The following ACTN4 variants were observed in gnomAD, a reference collection of about 807,000 sequenced individuals.
ACTN4 encodes the protein alpha-actinin-4.
ACTN4 carries 18 observed loss-of-function variants against 114.2 expected under a neutral mutation model. The observed-to-expected ratio is 0.16, with a 90% CI of 0.11 to 0.23. The LOEUF is 0.23. Among genes scored for constraint, ACTN4 ranks in the 10% least tolerant of loss-of-function variants. ACTN4 has a pLI of 1.00. For missense variants in ACTN4, 722 were observed against 1,262.9 expected (o/e 0.57, Z 6.49); for synonymous variants, 515 against 506.3 (o/e 1.02, Z -0.23).
At chr19:38,695,795 T>G (rs1164581564) in intron 1 of ACTN4, among the ~76,000 whole-genome samples, 2 of 152,114 alleles carry the variant, frequency 1.3e-5, no homozygotes, top group Non-Finnish European at 2.9e-5. Context: ...AATGACTTCT[T>G]CAAGGACACC....
At chr19:38,712,875 G>A (rs1463406058) in intron 8 of ACTN4, among the ~76,000 whole-genome samples, 2 of 152,132 alleles carry the variant, frequency 1.3e-5, no homozygotes, top group African/African-American at 2.4e-5. Flanking sequence ...AGGGATTTTG[G>A]GGGAGCAGGG....
chr19:38,672,197 C>CAGACGTAT (rs1967149824), intron 1 of ACTN4, among the ~76,000 whole-genome samples: 1 of 150,986 alleles, frequency 6.6e-6, no homozygotes, highest in African/African-American at 2.4e-5. Context: ...GCTTTCCTGC[C>CAGACGTAT]AGACGTATGG....
chr19:38,724,074 T>G lies in ACTN4; in HGVS notation c.1689T>G (p.Ile563Met). The change falls in exon 14 of 21, where the codon ATT becomes ATG. Residue 563 changes from isoleucine to methionine, a missense_variant. Ile to Met is a conservative substitution (Grantham distance 10). Coordinates refer to ENST00000252699, the MANE Select transcript of ACTN4 (RefSeq NM_004924.6). The surrounding 1 kb of genome is among the most constrained non-coding windows in gnomAD (Gnocchi z 7.0). The stretch of plus-strand genomic sequence containing the variant: ...TCATCGTCCATACCATCGAGGAGAT[T>G]GAGGTTCGCACCCCCCGGCCCCCCA... Reference protein sequence around the residue: ...DMFIVHTIEEIEGLISAHDQF... With the variant: ...DMFIVHTIEEMEGLISAHDQF... 6.2e-7 allele frequency: 1 copy of G among 1,613,640 alleles called. No individual in the cohort carries two copies. The highest frequency in any genetic ancestry group is 8.5e-7 in the Non-Finnish European group (1 of 1,179,980).
rs559171712 is a variant in ACTN4, at chr19:38,714,359, C to T, written c.820-110C>T. On this transcript the variant is annotated intron_variant, in intron 8 of 20. Coordinates refer to ENST00000252699, the MANE Select transcript of ACTN4 (RefSeq NM_004924.6). ...CTGGAGCTGTGCTTCCTCTCCTTCCCCTCTGTGAGGAGTTCCGTGGGCCAT... is the reference window on the plus strand; with the variant it reads ...CTGGAGCTGTGCTTCCTCTCCTTCCTCTCTGTGAGGAGTTCCGTGGGCCAT... The T allele has an allele frequency of 1.3e-4, 124 of 968,094 alleles. 1 individual carries two copies. The East Asian group carries it at 3.1e-3, about 24-fold the overall frequency. The allele number at this position is 968,094 out of a possible 1,614,324, so 60.0% of individuals were successfully genotyped here. A position where few individuals can be genotyped will look rare whatever the true frequency, so the allele number is the denominator to read the frequency against.
At chr19:38,700,464 T>C (rs1968234102) in intron 1 of ACTN4, 136 bp from the exon 2 acceptor site, 2 of 745,542 alleles carry the variant, frequency 2.7e-6, no homozygotes, top group East Asian at 2.6e-5. Context: ...GTATCGGCCA[T>C]GTACGGTGTG....
intron 1 of ACTN4, among the ~76,000 whole-genome samples, chr19:38,696,260 T>G (rs769391411): frequency 1.2e-4 from 19 of 152,144 alleles, no homozygotes; most frequent in Non-Finnish European, 2.6e-4. Flanking sequence ...CTGTTATGGA[T>G]TCAGCACAGG....
intron 1 of ACTN4, among the ~76,000 whole-genome samples, chr19:38,662,835 AAAAGGTCCTTTG>A (rs915893816): frequency 6.6e-6 from 1 of 151,920 alleles, no homozygotes; most frequent in African/African-American, 2.4e-5. Context: ...ATAAAGACAT[AAAAGGTCCTTTG>A]AAAGACTCCA....
chr19:38,691,865 C>T (rs1305216438), intron 1 of ACTN4, among the ~76,000 whole-genome samples: 6 of 152,074 alleles, frequency 3.9e-5, no homozygotes, highest in African/African-American at 1.2e-4. Context: ...ATCATGCCAC[C>T]GCACTCCAAC....
chr19:38,678,576 A>G (rs1967450667), intron 1 of ACTN4, among the ~76,000 whole-genome samples: 1 of 152,202 alleles, frequency 6.6e-6, no homozygotes. Context: ...GAAAATCTAG[A>G]GAAAGATAGA....
intron 1 of ACTN4, among the ~76,000 whole-genome samples, chr19:38,680,122 C>G (rs931711226): frequency 6.6e-6 from 1 of 152,028 alleles, no homozygotes; most frequent in Non-Finnish European, 1.5e-5. Flanking sequence ...ATCTCTCTCC[C>G]CTATCAGACG....
Position 38,725,933 on chromosome 19 carries a change from C to G in ACTN4, c.2190+30C>G, listed in dbSNP as rs552926680. 8.7e-6 allele frequency: 14 copies of G among 1,612,626 alleles called. No homozygotes were observed. The South Asian group carries it at 1.5e-4, about 18-fold the overall frequency. ...GCGGCTGCCCCGCCCGCTGGCCTTT[C>G]CACCAGCATGGCCGGCTTCCTCACT... On this transcript the variant is annotated intron_variant, in intron 17 of 20. Coordinates refer to ENST00000252699, the MANE Select transcript of ACTN4 (RefSeq NM_004924.6).
chr19:38,673,436 ATT>A (rs1245472121), intron 1 of ACTN4, among the ~76,000 whole-genome samples: 2,393 of 82,680 alleles, frequency 0.029, 112 homozygotes, highest in African/African-American at 0.082. Flanking sequence ...TTGTGGTTTT[ATT>A]TTTTATATAT....
At chr19:38,681,229 G>A (rs561106220) in intron 1 of ACTN4, among the ~76,000 whole-genome samples, 1 of 151,112 alleles carries the variant, frequency 6.6e-6, no homozygotes, top group East Asian at 2.0e-4. Context: ...TAACCACTCT[G>A]TGAAGATGGT....
At chr19:38,708,034 C>A in intron 5 of ACTN4, 83 bp from the exon 6 acceptor site, 1 of 1,377,284 alleles carries the variant, frequency 7.3e-7, no homozygotes, top group South Asian at 1.2e-5. Context: ...GGGAATTAGT[C>A]ACTGCTGTGG....
chr19:38,730,386 T>G lies in ACTN4; in HGVS notation c.*954T>G, dbSNP rs1969487220. The G allele has an allele frequency of 5.3e-6, 1 of 188,668 alleles. No homozygotes were observed. Among genetic ancestry groups the G allele is most frequent in the African/African-American group, 2.4e-5 (1 of 41,920 alleles). 11.7% of individuals were successfully genotyped at this position (188,668 alleles called of 1,614,324 possible). Reference sequence around the variant, plus strand: ...GGACCCTCCAGAGGTGGAGGTGGGCTGATGGCCTGGCTGCCTGGTGGTTGA... The same window carrying G: ...GGACCCTCCAGAGGTGGAGGTGGGCGGATGGCCTGGCTGCCTGGTGGTTGA... On this transcript the variant is annotated 3_prime_UTR_variant, in exon 21 of 21. Transcript: ENST00000252699.
intron 1 of ACTN4, among the ~76,000 whole-genome samples, chr19:38,649,574 G>GT (rs1976497680): frequency 6.6e-6 from 1 of 152,202 alleles, no homozygotes; most frequent in South Asian, 2.1e-4. Flanking sequence ...CGGTGATTCT[G>GT]TTAATAAAGA....
At position 38,718,815 on chromosome 19, in the gene ACTN4, C is replaced by A. The variant is rs181003929; in HGVS notation, c.1291+741C>A. 3.3e-5 allele frequency among the ~76,000 whole-genome samples: 5 copies of A among 152,348 alleles called. No individual in the cohort carries two copies. The South Asian group carries it at 8.3e-4, about 25-fold the overall frequency. On this transcript the variant is annotated intron_variant, in intron 11 of 20. Transcript: ENST00000252699. Reference sequence around the variant, plus strand: ...TGTGTTCAGAGTCGGCTTCCCTCTCCCACACCTCTGTGAGCGTGGACGGAA... The same window carrying A: ...TGTGTTCAGAGTCGGCTTCCCTCTCACACACCTCTGTGAGCGTGGACGGAA...
chr19:38,730,090 CAAAAAAAAAAA>C lies in ACTN4; in HGVS notation c.*660_*670del, dbSNP rs74176458. On this transcript the variant is annotated 3_prime_UTR_variant, in exon 21 of 21. Transcript: ENST00000252699. The stretch of plus-strand genomic sequence containing the variant: ...CACGTGTCTCAGATTTTCTAAGAAC[CAAAAAAAAAAA>C]AGGAAAAAAAACACAAAACAACAAA... 1 of 55,210 alleles carries C rather than the reference CAAAAAAAAAAA, an allele frequency of 1.8e-5. No homozygotes were observed. Among genetic ancestry groups the C allele is most frequent in the Non-Finnish European group, 3.8e-5 (1 of 26,284 alleles). The allele number at this position is 55,210 out of a possible 1,614,324, so 3.4% of individuals were successfully genotyped here.
intron 2 of ACTN4, 99 bp from the exon 3 acceptor site, chr19:38,700,903 T>A (rs1351020977): frequency 6.5e-7 from 1 of 1,540,626 alleles, no homozygotes; most frequent in Admixed American, 1.9e-5. Context: ...AACCTGCTTT[T>A]GGAGAACAGA....
Sources: gnomAD v4.1 joint callset for allele counts (sites outside exome capture counted in the v4.1 genomes callset) on GRCh38, gnomAD v4.1.1 for gene constraint, Gnocchi (gnomAD v3.1) non-coding constraint, MANE v1.5 for transcripts, NCBI Gene and HGNC (gene_info 2026-07-23, HGNC 2026-07-21) for gene names.